The following ASGR1 variants were observed in gnomAD, a reference collection of about 807,000 sequenced individuals.
ASGR1 encodes C-type lectin domain family 4 member H1.
A neutral mutation model predicts 33.1 loss-of-function variants in ASGR1; 35 were observed. The ratio of observed to expected loss-of-function variants is 1.06; its 90% CI spans 0.81 to 1.40. The LOEUF is 1.40. Among genes scored for constraint, ASGR1 ranks in the 40% most tolerant of loss-of-function variants. The probability of loss-of-function intolerance (pLI) is 0.00; values close to 1 mark genes in which losing one functional copy is unlikely to be tolerated. For missense variants in ASGR1, 396 were observed against 373.7 expected (o/e 1.06, Z -0.49); for synonymous variants, 142 against 152.5 (o/e 0.93, Z 0.51).
intron 5 of ASGR1, among the ~76,000 whole-genome samples, chr17:7,175,641 A>G (rs981995073): frequency 1.3e-5 from 2 of 151,336 alleles, no homozygotes; most frequent in African/African-American, 4.9e-5. Flanking sequence ...GTTCTCACAT[A>G]CACTGACACA....
chr17:7,176,778 A>G, intron 5 of ASGR1, 52 bp downstream of exon 5: 1 of 1,576,330 alleles, frequency 6.3e-7, no homozygotes, highest in Non-Finnish European at 8.6e-7. Context: ...ACATCCACAC[A>G]TTCTCACTCT....
chr17:7,176,549 TCA>T (rs377268365), intron 5 of ASGR1: 9,319 of 486,042 alleles, frequency 0.019, 200 homozygotes, highest in African/African-American at 0.077. Context: ...CATCTCATTC[TCA>T]CACACACACA....
At chr17:7,176,783 C>A (rs759435851) in intron 5 of ASGR1, 47 bp downstream of exon 5, 15 of 1,580,392 alleles carry the variant, frequency 9.5e-6, no homozygotes, top group Non-Finnish European at 1.2e-5. Flanking sequence ...CACACATTCT[C>A]ACTCTCTTTC....
chr17:7,178,049 C>G (rs1481705407), intron 2 of ASGR1: 2 of 182,936 alleles, frequency 1.1e-5, no homozygotes, highest in Non-Finnish European at 2.3e-5. Flanking sequence ...CCCCTCATCG[C>G]CCCCCTCACA....
At chr17:7,176,070 ACTCCTT>A (rs2069199354) in intron 5 of ASGR1, among the ~76,000 whole-genome samples, 1 of 132,444 alleles carries the variant, frequency 7.6e-6, no homozygotes. Context: ...ACACCCATCC[ACTCCTT>A]CTCATTCTCA....
chr17:7,174,057 T>C lies in ASGR1; in HGVS notation c.605A>G (p.Gln202Arg). ...VTSWEEQKFV[Q>R]HHIGPVNTWM... ...GGTGTTCACAGGGCCTATGTGGTGC[T>C]GGACAAATTTCTGAGGAGAGAGAAG... Residue 202 changes from glutamine to arginine, a missense_variant, in exon 8 of 9, where the codon CAG becomes CGG. Transcript: ENST00000269299. The C allele has an allele frequency of 1.2e-6, 2 of 1,614,230 alleles. No individual in the cohort carries two copies. The highest frequency in any genetic ancestry group is 1.7e-6 in the Non-Finnish European group (2 of 1,180,014).
intron 2 of ASGR1, chr17:7,178,123 C>G (rs996837018): frequency 2.0e-5 from 6 of 299,280 alleles, no homozygotes; most frequent in African/African-American, 1.3e-4. Flanking sequence ...GACACACACA[C>G]GCACACGCTC....
In ASGR1 at chr17:7,173,642, G is replaced by A; in HGVS notation, c.*17C>T. The A allele has an allele frequency of 6.2e-7, 1 of 1,612,094 alleles. No homozygotes were observed. Among genetic ancestry groups the A allele is most frequent in the Non-Finnish European group, 8.5e-7 (1 of 1,180,008 alleles). On this transcript the variant is annotated 3_prime_UTR_variant, in exon 9 of 9. Coordinates refer to ENST00000269299, the MANE Select transcript of ASGR1 (RefSeq NM_001671.5). The surrounding 1 kb of genome is among the most constrained non-coding windows in gnomAD (Gnocchi z 4.7). Reference sequence around the variant, plus strand: ...ATCCCGGACCCCTGCGGCAGGTCGAGGCATTGAAGAAATAAATTAAAGGAG... The same window carrying A: ...ATCCCGGACCCCTGCGGCAGGTCGAAGCATTGAAGAAATAAATTAAAGGAG...
At position 7,175,622 on chromosome 17, in the gene ASGR1, AACAC is replaced by A. The variant is rs368535446; in HGVS notation, c.356-1166_356-1163del. Among the ~76,000 whole-genome samples, 702 of 151,176 alleles carry A rather than the reference AACAC, an allele frequency of 4.6e-3. 4 individuals are homozygous for A. The highest frequency in any genetic ancestry group is 0.016 in the African/African-American group (672 of 41,114). On this transcript the variant is annotated intron_variant, in intron 5 of 8. Coordinates refer to ENST00000269299, the MANE Select transcript of ASGR1 (RefSeq NM_001671.5). ...TACATTCTCACACACGCAACACACT[AACAC>A]ACACGTTCTCACATACACTGACACA...
chr17:7,174,258 C>A lies in ASGR1; in HGVS notation c.474G>T (p.Trp158Cys). 1.2e-6 allele frequency: 2 copies of A among 1,614,146 alleles called. No individual in the cohort carries two copies. The highest frequency in any genetic ancestry group is 1.1e-5 in the South Asian group (1 of 91,088). The change falls in exon 7 of 9, where the codon TGG becomes TGT. Residue 158 changes from tryptophan to cysteine, a missense_variant. Transcript: ENST00000269299. ...AGTAGCAGCTGCGCTCGTGCTCCACCCAGTTGACCGGGCAGCAGGTCCTTT... is the reference window on the plus strand; with the variant it reads ...AGTAGCAGCTGCGCTCGTGCTCCACACAGTTGACCGGGCAGCAGGTCCTTT... ...GSERTCCPVNWVEHERSCYWF... is the reference protein window; with the variant it reads ...GSERTCCPVNCVEHERSCYWF...
rs2069176544 is a variant in ASGR1 at position 7,174,825 on chromosome 17, CACA to C, written c.356-368_356-366del. On this transcript the variant is annotated intron_variant, in intron 5 of 8. Transcript: ENST00000269299. ...CAAACGCAGACAACACACAGAGACACACAACACACCCTAACCCACATACATCCA... is the reference window on the plus strand; with the variant it reads ...CAAACGCAGACAACACACAGAGACACACACACCCTAACCCACATACATCCA... Among the ~76,000 whole-genome samples the C allele has an allele frequency of 3.3e-5, 5 of 150,600 alleles. No homozygotes were observed. The South Asian group carries it at 8.4e-4, about 25-fold the overall frequency.
rs55714927 is a variant in ASGR1, at chr17:7,176,997, C to G, written c.267G>C (p.Lys89Asn). ...NFTASTEAQV[K>N]GLSTQGGNVG... ...CGCCCTCACCCTGGGTGCTCAAGCC[C>G]TTGACCTGGGCCTCCGTGCTCGCTG... Residue 89 changes from lysine (K) to asparagine (N), a missense_variant, in exon 4 of 9, where the codon AAG (lysine) becomes AAC (asparagine). Coordinates refer to ENST00000269299, the MANE Select transcript of ASGR1 (RefSeq NM_001671.5). 9.9e-6 allele frequency: 16 copies of G among 1,610,880 alleles called. No homozygotes were observed. Among genetic ancestry groups the G allele is most frequent in the Admixed American group, 6.7e-5 (4 of 59,724 alleles).
Position 7,177,378 on chromosome 17 carries a change from A to C in ASGR1, c.71-52T>G, listed in dbSNP as rs763958534. On this transcript the variant is annotated intron_variant, in intron 2 of 8. Transcript: ENST00000269299. ...GCGGGGACAGAGGGGACCCTGGCAC[A>C]GCTCCAGGGTCCTAAAAGGGTAGCA... 2.8e-6 allele frequency: 4 copies of C among 1,448,722 alleles called. No homozygotes were observed. In the South Asian group the frequency reaches 4.7e-5, roughly 17 times the overall value. The allele number at this position is 1,448,722 out of a possible 1,614,324, so 89.7% of individuals were successfully genotyped here. A position where few individuals can be genotyped will look rare whatever the true frequency, so the allele number is the denominator to read the frequency against.
Position 7,178,733 on chromosome 17 carries a change from C to CTTTTTTTTTTTTTTT in ASGR1, c.-25-146_-25-145insAAAAAAAAAAAAAAA. The CTTTTTTTTTTTTTTT allele has an allele frequency of 6.7e-5, 13 of 193,084 alleles. 1 individual carries two copies. The highest frequency in any genetic ancestry group is 9.8e-5 in the Non-Finnish European group (10 of 102,028). The allele number at this position is 193,084 out of a possible 1,614,324, so 12.0% of individuals were successfully genotyped here. A position where few individuals can be genotyped will look rare whatever the true frequency, so the allele number is the denominator to read the frequency against. ...TCTTTCTTTTCTTTTTCTTTTTTTTCTTTTCTTTTTTTTTTTTTTTTTGAG... is the reference window on the plus strand; with the variant it reads ...TCTTTCTTTTCTTTTTCTTTTTTTTCTTTTTTTTTTTTTTTTTTTCTTTTTTTTTTTTTTTTTGAG... On this transcript the variant is annotated intron_variant, in intron 1 of 8. Transcript: ENST00000269299.
intron 1 of ASGR1, 130 bp from the exon 2 acceptor site, chr17:7,178,718 CTTTTT>C: frequency 2.1e-6 from 1 of 481,742 alleles, no homozygotes; most frequent in Non-Finnish European, 3.5e-6. Flanking sequence ...TCTTTCTTTT[CTTTTT>C]CTTTTTTTTC....
In ASGR1 at chr17:7,178,546, T is replaced by G. The variant is rs754497570; in HGVS notation, c.18A>C (p.Gln6His). Residue 6 changes from glutamine to histidine, a missense_variant, in exon 2 of 9, where the codon CAA (glutamine) becomes CAC (histidine). Physicochemically the swap from Gln to His is conservative, Grantham distance 24 (BLOSUM62 0). Transcript: ENST00000269299. ...CCTCATTGTCCAGATGCTGAAGGTC[T>G]TGATACTCCTTGGTCATGATAGGGC... The part of the protein sequence containing the change: MTKEY[Q>H]DLQHLDNEES... 1 of 1,614,034 alleles carries G rather than the reference T, an allele frequency of 6.2e-7. No individual in the cohort carries two copies. The highest frequency in any genetic ancestry group is 8.5e-7 in the Non-Finnish European group (1 of 1,179,996).
At position 7,173,802 on chromosome 17, in the gene ASGR1, AC is replaced by A; in HGVS notation, c.732del (p.Trp244CysfsTer89). On this transcript the variant is annotated frameshift_variant, in exon 9 of 9. Transcript: ENST00000269299. LOFTEE classifies it low-confidence loss of function (END_TRUNC). The surrounding 1 kb of genome is among the most constrained non-coding windows in gnomAD (Gnocchi z 4.7). ...TCGCCTCCTCCGAGCCCGTGGCCGT[AC>A]CAGTCGTCCGGCTGCTCCGGCCTCC... ...KNWRPEQPDD[W>X]YGHGLGGGED... is the part of the protein sequence containing the mutation. 6.2e-7 allele frequency: 1 copy of A among 1,611,842 alleles called. No homozygotes were observed. The highest frequency in any genetic ancestry group is 8.5e-7 in the Non-Finnish European group (1 of 1,179,674).
rs766242242 is a variant in ASGR1, at chr17:7,174,400, C to T, written c.416G>A (p.Cys139Tyr). The T allele has an allele frequency of 6.2e-7, 1 of 1,613,966 alleles. No homozygotes were observed. Among genetic ancestry groups the T allele is most frequent in the Non-Finnish European group, 8.5e-7 (1 of 1,179,952 alleles). The change falls in exon 6 of 9, where the codon TGT becomes TAT. Residue 139 changes from cysteine (C) to tyrosine (Y), a missense_variant. By Grantham distance (194) the Cys-to-Tyr change is radical. Transcript: ENST00000269299. ...ATTGCCCTGGAGCGCCGCCATCTGACAGCTCAGGCTCCGCAGGTCAGACAC... is the reference window on the plus strand; with the variant it reads ...ATTGCCCTGGAGCGCCGCCATCTGATAGCTCAGGCTCCGCAGGTCAGACAC... ...QFVSDLRSLSCQMAALQGNGS... is the reference protein window; with the variant it reads ...QFVSDLRSLSYQMAALQGNGS...
At chr17:7,178,156 G>A (rs2069238471) in intron 2 of ASGR1, 2 of 347,478 alleles carry the variant, frequency 5.8e-6, no homozygotes, top group South Asian at 8.1e-5. Flanking sequence ...TCCCTGGGTG[G>A]TGTTGGAAGG....
Sources: gnomAD v4.1 joint callset for allele counts (sites outside exome capture counted in the v4.1 genomes callset) on GRCh38, gnomAD v4.1.1 for gene constraint, Gnocchi (gnomAD v3.1) non-coding constraint, MANE v1.5 for transcripts, NCBI Gene and HGNC (gene_info 2026-07-23, HGNC 2026-07-21) for gene names.